SLK: variants seen among roughly 807,000 people sequenced by gnomAD.
SLK encodes the protein STE20-like serine/threonine-protein kinase.
In SLK, 67 loss-of-function variants were observed where a neutral mutation model predicts 147.7. The observed-to-expected ratio is 0.45, with a 90% CI of 0.37 to 0.56. The LOEUF is 0.56. SLK is among the 20% of genes least tolerant of loss of function. The probability of loss-of-function intolerance (pLI) is 0.00; values close to 1 mark genes in which losing one functional copy is unlikely to be tolerated. For missense variants in SLK, 1,136 were observed against 1,438.8 expected (o/e 0.79, Z 3.41); for synonymous variants, 441 against 475.0 (o/e 0.93, Z 0.93).
chr10:103,995,112 T>A (rs368959362), intron 4 of SLK, among the ~76,000 whole-genome samples: 1 of 152,240 alleles, frequency 6.6e-6, no homozygotes, highest in Non-Finnish European at 1.5e-5. Context: ...ATTATAAAAT[T>A]AGTAATGAAG....
At chr10:104,021,053 G>GAATTTTTCTCCTAGGA (rs1196070030) in intron 17 of SLK, among the ~76,000 whole-genome samples, 13 of 152,096 alleles carry the variant, frequency 8.5e-5, no homozygotes, top group South Asian at 2.1e-4. Flanking sequence ...AAATATATGG[G>GAATTTTTCTCCTAGGA]AATTTTTCTC....
intron 12 of SLK, among the ~76,000 whole-genome samples, chr10:104,008,966 A>G (rs1342643954): frequency 6.6e-6 from 1 of 152,178 alleles, no homozygotes; most frequent in African/African-American, 2.4e-5. Context: ...GAAGTGGAAC[A>G]TATCTGTAAA....
rs1844609973 is a variant in SLK, at chr10:104,027,238, G to A, written c.*1518G>A. On this transcript the variant is annotated 3_prime_UTR_variant, in exon 19 of 19. Coordinates refer to ENST00000369755, the MANE Select transcript of SLK (RefSeq NM_014720.4). ...TTGAAAACTTTGGATGCTGAACCTT[G>A]TTTGTCAGTGATTTAGATGATTTAA... The A allele has an allele frequency of 6.6e-6, 1 of 152,542 alleles. No homozygotes were observed. Among genetic ancestry groups the A allele is most frequent in the African/African-American group, 2.4e-5 (1 of 41,422 alleles). 9.4% of individuals were successfully genotyped at this position (152,542 alleles called of 1,614,324 possible). A position where few individuals can be genotyped will look rare whatever the true frequency, so the allele number is the denominator to read the frequency against.
At chr10:103,968,032 C>A in intron 1 of SLK, 137 bp downstream of exon 1, 2 of 884,536 alleles carry the variant, frequency 2.3e-6, no homozygotes, top group Non-Finnish European at 3.4e-6. Flanking sequence ...CTTTACTTGG[C>A]TGATCATCCA....
At chr10:104,005,513 C>A in intron 9 of SLK, 48 bp from the exon 10 acceptor site, 1 of 1,525,446 alleles carries the variant, frequency 6.6e-7, no homozygotes, top group Non-Finnish European at 8.8e-7. Flanking sequence ...TGTTTTCTAC[C>A]TCCAGTATTC....
Position 103,999,915 on chromosome 10 carries a change from G to T in SLK, c.831G>T (p.Val277=). 1 of 1,563,832 alleles carries T rather than the reference G, an allele frequency of 6.4e-7. No individual in the cohort carries two copies. The highest frequency in any genetic ancestry group is 1.2e-5 in the South Asian group (1 of 85,788). ...DFLKKCLEKN[V]DARWTTSQLL... ...TAAAGAAATGCTTAGAAAAGAATGTGGATGCCAGGTGGACTACATCTCAGC... is the reference window on the plus strand; with the variant it reads ...TAAAGAAATGCTTAGAAAAGAATGTTGATGCCAGGTGGACTACATCTCAGC... The change falls in exon 7 of 19, where the codon GTG becomes GTT. Residue 277 remains valine (V), a synonymous_variant. Transcript: ENST00000369755.
At chr10:103,976,776 A>G (rs1843877266) in intron 1 of SLK, among the ~76,000 whole-genome samples, 1 of 152,232 alleles carries the variant, frequency 6.6e-6, no homozygotes, top group Admixed American at 6.5e-5. Flanking sequence ...ACCAAGCTCA[A>G]GATAGCCCTT....
rs201235436 is a variant in SLK, at chr10:103,967,903, G to C, written c.150+8G>C. Reference sequence around the variant, plus strand: ...TTTGGGAAAGTGTACAAGGTAAGAGGGGGAAAACGGGAAGTTGTACTGCGA... The same window carrying C: ...TTTGGGAAAGTGTACAAGGTAAGAGCGGGAAAACGGGAAGTTGTACTGCGA... On this transcript the variant is annotated splice_region_variant and intron_variant, in intron 1 of 18. Coordinates refer to ENST00000369755, the MANE Select transcript of SLK (RefSeq NM_014720.4). 2.5e-6 allele frequency: 4 copies of C among 1,612,324 alleles called. No homozygotes were observed. The highest frequency in any genetic ancestry group is 3.3e-5 in the Admixed American group (2 of 59,872).
chr10:103,992,765 A>T, intron 3 of SLK, 119 bp downstream of exon 3: 1 of 198,320 alleles, frequency 5.0e-6, no homozygotes, highest in Non-Finnish European at 8.4e-6. Context: ...TCAGTAAGTT[A>T]ACTCAAGTAT....
chr10:104,014,274 C>T (rs956831299), intron 13 of SLK, among the ~76,000 whole-genome samples: 15 of 152,118 alleles, frequency 9.9e-5, no homozygotes, highest in African/African-American at 3.6e-4. Flanking sequence ...CTCTATTTTC[C>T]ATTTATTCAA....
chr10:104,005,529 A>T, intron 9 of SLK, 32 bp from the exon 10 acceptor site: 2 of 1,582,658 alleles, frequency 1.3e-6, no homozygotes, highest in Non-Finnish European at 1.7e-6. Flanking sequence ...TATTCCTTGT[A>T]CAAAGCCTAA....
intron 3 of SLK, 27 bp from the exon 4 acceptor site, chr10:103,992,957 A>ATTT: frequency 1.6e-6 from 2 of 1,257,514 alleles, no homozygotes; most frequent in Non-Finnish European, 2.2e-6. Context: ...TAAAAAGCAG[A>ATTT]TTTTTTTTTT....
intron 11 of SLK, among the ~76,000 whole-genome samples, chr10:104,007,316 A>G (rs1844339793): frequency 6.6e-6 from 1 of 152,158 alleles, no homozygotes. Flanking sequence ...AATAGAAAAC[A>G]AATTTTGGGT....
chr10:103,998,449 T>G (rs1335951151), intron 4 of SLK, among the ~76,000 whole-genome samples: 1 of 152,210 alleles, frequency 6.6e-6, no homozygotes, highest in African/African-American at 2.4e-5. Context: ...AATTTTTTCT[T>G]GACAATATAA....
chr10:104,018,049 T>C (rs1404864269), intron 13 of SLK, 111 bp from the exon 14 acceptor site: 22 of 815,162 alleles, frequency 2.7e-5, no homozygotes, highest in Non-Finnish European at 4.1e-5. Flanking sequence ...CAGCTAACTT[T>C]GCAAACTTGG....
At chr10:103,984,282 T>C (rs1197361150) in intron 1 of SLK, among the ~76,000 whole-genome samples, 1 of 152,222 alleles carries the variant, frequency 6.6e-6, no homozygotes, top group Non-Finnish European at 1.5e-5. Context: ...TTTATATAGG[T>C]AAAAACATTA....
rs1267739043 is a variant in SLK, at chr10:104,021,747, C to T, written c.3561+14C>T. ...CCTAGGAAAAAGGTAATTTTAAAAG[C>T]TTTAATTAAAATGATATGTGTGTAC... On this transcript the variant is annotated intron_variant, in intron 18 of 18. Coordinates refer to ENST00000369755, the MANE Select transcript of SLK (RefSeq NM_014720.4). 1 of 1,421,036 alleles carries T rather than the reference C, an allele frequency of 7.0e-7. No homozygotes were observed. Among genetic ancestry groups the T allele is most frequent in the Non-Finnish European group, 9.9e-7 (1 of 1,008,496 alleles). 88.0% of individuals were successfully genotyped at this position (1,421,036 alleles called of 1,614,324 possible).
intron 12 of SLK, among the ~76,000 whole-genome samples, chr10:104,009,355 TGAG>T (rs1212646255): frequency 6.6e-6 from 1 of 152,086 alleles, no homozygotes; most frequent in Non-Finnish European, 1.5e-5. Flanking sequence ...ACATTTAAAT[TGAG>T]AAGAAAATTG....
intron 2 of SLK, among the ~76,000 whole-genome samples, chr10:103,992,103 T>C (rs891572155): frequency 6.6e-6 from 1 of 150,678 alleles, no homozygotes; most frequent in Non-Finnish European, 1.5e-5. Flanking sequence ...CAGGTAATAA[T>C]TGAGCTCGGA....
Sources: gnomAD v4.1 joint callset for allele counts (sites outside exome capture counted in the v4.1 genomes callset) on GRCh38, gnomAD v4.1.1 for gene constraint, MANE v1.5 for transcripts, NCBI Gene and HGNC (gene_info 2026-07-23, HGNC 2026-07-21) for gene names.